The following SPOPL variants were observed in gnomAD, a reference collection of about 807,000 sequenced individuals.
SPOPL encodes the protein speckle-type POZ protein-like.
In SPOPL, 23 loss-of-function variants were observed where a neutral mutation model predicts 53.8. That is an observed-to-expected ratio of 0.43 (90% CI 0.31 to 0.61). SPOPL has a LOEUF of 0.61. Ranked by LOEUF, SPOPL falls within the 20% of genes least tolerant of loss-of-function variation. SPOPL has a pLI of 0.12. For missense variants in SPOPL, 442 were observed against 466.9 expected (o/e 0.95, Z 0.49); for synonymous variants, 164 against 149.7 (o/e 1.10, Z -0.70).
intron 1 of SPOPL, among the ~76,000 whole-genome samples, chr2:138,543,379 A>T (rs2104885107): frequency 6.6e-6 from 1 of 152,296 alleles, no homozygotes; most frequent in African/African-American, 2.4e-5. Context: ...CACCAATCAG[A>T]CATAGATTTG....
chr2:138,566,061 A>G (rs1685653494), intron 10 of SPOPL, among the ~76,000 whole-genome samples: 1 of 152,098 alleles, frequency 6.6e-6, no homozygotes, highest in Non-Finnish European at 1.5e-5. Flanking sequence ...GAAATGAATT[A>G]GTTTGTTGAC....
At chr2:138,551,527 A>G (rs1013255022) in intron 4 of SPOPL, among the ~76,000 whole-genome samples, 8 of 152,024 alleles carry the variant, frequency 5.3e-5, no homozygotes, top group African/African-American at 1.2e-4. Flanking sequence ...TTCAGGGCCT[A>G]TTAATTTCAG....
rs1435830106 is a variant in SPOPL at position 138,518,393 on chromosome 2, G to T, written c.-61+16274G>T. 3.9e-5 allele frequency among the ~76,000 whole-genome samples: 6 copies of T among 152,104 alleles called. No homozygotes were observed. In the East Asian group the frequency reaches 1.2e-3, roughly 29 times the overall value. On this transcript the variant is annotated intron_variant, in intron 1 of 10. Coordinates refer to ENST00000280098, the MANE Select transcript of SPOPL (RefSeq NM_001001664.3). ...ACCCTAAGTATAGACCTTATCTCCT[G>T]TAATACTCCTGTAATATGACTTTTA...
In SPOPL at chr2:138,572,493, G is replaced by T. The variant is rs1238787172; in HGVS notation, c.*3413G>T. 2.0e-5 allele frequency: 3 copies of T among 152,368 alleles called. No individual in the cohort carries two copies. Among genetic ancestry groups the T allele is most frequent in the Non-Finnish European group, 4.4e-5 (3 of 68,002 alleles). 9.4% of individuals were successfully genotyped at this position (152,368 alleles called of 1,614,324 possible). ...GTGTTACTAAAATAGAACAGGGATT[G>T]TGAAAATCCAGCTCAACATACTTAA... is the stretch of plus-strand genomic sequence containing the variant. On this transcript the variant is annotated 3_prime_UTR_variant, in exon 11 of 11. Transcript: ENST00000280098.
intron 5 of SPOPL, among the ~76,000 whole-genome samples, chr2:138,556,464 G>A (rs1213837634): frequency 1.3e-5 from 2 of 152,144 alleles, no homozygotes; most frequent in African/African-American, 4.8e-5. Context: ...AACAGATCCA[G>A]TTTTTTCTGT....
At chr2:138,529,230 G>A (rs1684747130) in intron 1 of SPOPL, among the ~76,000 whole-genome samples, 1 of 152,110 alleles carries the variant, frequency 6.6e-6, no homozygotes, top group African/African-American at 2.4e-5. Flanking sequence ...AGAGAAGTTA[G>A]CTACTAGAAA....
In SPOPL at chr2:138,560,827, T is replaced by C. The variant is rs781497682; in HGVS notation, c.737T>C (p.Leu246Ser). The C allele has an allele frequency of 1.9e-6, 3 of 1,605,828 alleles. No homozygotes were observed. Among genetic ancestry groups the C allele is most frequent in the Non-Finnish European group, 2.5e-6 (3 of 1,178,062 alleles). Reference protein sequence around the residue: ...SKKNRVEINDLDPEVFKEMMR... With the variant: ...SKKNRVEINDSDPEVFKEMMR... ...CAGAATCGAGTGGAAATAAATGATTTAGACCCTGAAGTTTTTAAAGAAATG... is the reference window on the plus strand; with the variant it reads ...CAGAATCGAGTGGAAATAAATGATTCAGACCCTGAAGTTTTTAAAGAAATG... Residue 246 changes from leucine (L) to serine (S), a missense_variant, in exon 8 of 11, where the codon TTA (leucine) becomes TCA (serine). Physicochemically the swap from Leu to Ser is moderately radical, Grantham distance 145. Transcript: ENST00000280098.
At position 138,535,963 on chromosome 2, in the gene SPOPL, T is replaced by A. The variant is rs187006934; in HGVS notation, c.-60-14194T>A. Among the ~76,000 whole-genome samples the A allele has an allele frequency of 8.5e-5, 13 of 152,300 alleles. No individual in the cohort carries two copies. The East Asian group carries it at 2.5e-3, about 29-fold the overall frequency. ...TTATATGGTTCAGCTCCAGAATTTT[T>A]ATTTGGTTCTTTTAAAAAAAATAAC... On this transcript the variant is annotated intron_variant, in intron 1 of 10. Transcript: ENST00000280098.
intron 10 of SPOPL, among the ~76,000 whole-genome samples, chr2:138,567,194 A>G (rs1364607764): frequency 6.6e-6 from 1 of 152,216 alleles, no homozygotes; most frequent in Non-Finnish European, 1.5e-5. Flanking sequence ...AATATGTAGC[A>G]TACCCATAGG....
At position 138,570,593 on chromosome 2, in the gene SPOPL, A is replaced by C. The variant is rs1468003987; in HGVS notation, c.*1513A>C. The C allele has an allele frequency of 6.6e-6, 1 of 152,138 alleles. No individual in the cohort carries two copies. The highest frequency in any genetic ancestry group is 1.5e-5 in the Non-Finnish European group (1 of 68,020). 9.4% of individuals were successfully genotyped at this position (152,138 alleles called of 1,614,324 possible). ...AAGGGCAAGATTTATATTTGACCACAAGGGAAAAAGTGTGTCACTGGAAAA... is the reference window on the plus strand; with the variant it reads ...AAGGGCAAGATTTATATTTGACCACCAGGGAAAAAGTGTGTCACTGGAAAA... On this transcript the variant is annotated 3_prime_UTR_variant, in exon 11 of 11. Coordinates refer to ENST00000280098, the MANE Select transcript of SPOPL (RefSeq NM_001001664.3).
At chr2:138,565,492 G>A (rs1285717437) in intron 10 of SPOPL, among the ~76,000 whole-genome samples, 3 of 152,144 alleles carry the variant, frequency 2.0e-5, no homozygotes, top group African/African-American at 2.4e-5. Flanking sequence ...TAGTGAACCT[G>A]TAAGGGGTTG....
intron 3 of SPOPL, 101 bp from the exon 4 acceptor site, chr2:138,550,802 T>G (rs1573900340): frequency 7.0e-7 from 1 of 1,433,590 alleles, no homozygotes; most frequent in East Asian, 2.3e-5. Flanking sequence ...CATTAACACA[T>G]GATTTCAGTG....
At chr2:138,508,522 G>T (rs1684262026) in intron 1 of SPOPL, among the ~76,000 whole-genome samples, 1 of 151,912 alleles carries the variant, frequency 6.6e-6, no homozygotes, top group African/African-American at 2.4e-5. Flanking sequence ...GTAGAGATGG[G>T]GTTTCACCAT....
intron 8 of SPOPL, among the ~76,000 whole-genome samples, chr2:138,561,313 C>T (rs1685543232): frequency 6.6e-6 from 1 of 151,970 alleles, no homozygotes; most frequent in South Asian, 2.1e-4. Context: ...TAATTCTCTC[C>T]ACATAGAGAT....
At chr2:138,508,142 C>T (rs1301915636) in intron 1 of SPOPL, among the ~76,000 whole-genome samples, 4 of 152,222 alleles carry the variant, frequency 2.6e-5, no homozygotes, top group African/African-American at 7.2e-5. Flanking sequence ...GGTTGTATTA[C>T]ATCAAAAAGT....
At chr2:138,536,772 C>G (rs1192568717) in intron 1 of SPOPL, among the ~76,000 whole-genome samples, 1 of 152,174 alleles carries the variant, frequency 6.6e-6, no homozygotes, top group African/African-American at 2.4e-5. Flanking sequence ...TGCCTGTTTC[C>G]TTGCAAATGA....
At chr2:138,548,533 C>G (rs537289701) in intron 1 of SPOPL, among the ~76,000 whole-genome samples, 1 of 152,040 alleles carries the variant, frequency 6.6e-6, no homozygotes, top group Non-Finnish European at 1.5e-5. Flanking sequence ...CTCTTACACT[C>G]TCACTCATCT....
intron 1 of SPOPL, among the ~76,000 whole-genome samples, chr2:138,518,065 A>T (rs940095444): frequency 1.1e-4 from 16 of 149,912 alleles, no homozygotes; most frequent in Non-Finnish European, 1.8e-4. Context: ...AAAAAAAAAA[A>T]GAAAAGGAAA....
chr2:138,515,671 T>G (rs1016935021), intron 1 of SPOPL, among the ~76,000 whole-genome samples: 1 of 152,230 alleles, frequency 6.6e-6, no homozygotes, highest in Non-Finnish European at 1.5e-5. Flanking sequence ...TTGTAGATTA[T>G]GTTAGAATCA....
Sources: allele counts gnomAD v4.1 joint callset (sites outside exome capture counted in the v4.1 genomes callset), GRCh38; gene constraint gnomAD v4.1.1; transcripts MANE v1.5; gene names NCBI Gene and HGNC (gene_info 2026-07-23, HGNC 2026-07-21).